Variants in CHCHD6 observed in about 807,000 individuals in gnomAD.
CHCHD6 encodes coiled-coil-helix-coiled-coil-helix domain containing 6.
A neutral mutation model predicts 32.3 loss-of-function variants in CHCHD6; 28 were observed. The ratio of observed to expected loss-of-function variants is 0.87; its 90% CI spans 0.64 to 1.19. The LOEUF is 1.19. CHCHD6 is among the 50% of genes most tolerant of loss of function. The pLI, the probability that CHCHD6 is intolerant of heterozygous loss-of-function variation, is 0.00. For synonymous variants in CHCHD6, 122 were observed against 117.5 expected (o/e 1.04, Z -0.25); for missense variants, 333 against 307.0 (o/e 1.08, Z -0.63).
chr3:126,728,974 G>A (rs1935662135), intron 2 of CHCHD6, among the ~76,000 whole-genome samples: 1 of 152,008 alleles, frequency 6.6e-6, no homozygotes, highest in Non-Finnish European at 1.5e-5. Context: ...TTTTAGTGAT[G>A]GAACAAAGTT....
rs554446871 is a variant in CHCHD6 at position 126,779,712 on chromosome 3, T to TC, written c.411+46494dup. ...ACTATTTGTTGAAAAGACTAGTCTT[T>TC]CCCCATTGAGTTGTCCTGGCATGCT... On this transcript the variant is annotated intron_variant, in intron 4 of 7. Coordinates refer to ENST00000290913, the MANE Select transcript of CHCHD6 (RefSeq NM_032343.3). 1.2e-4 allele frequency among the ~76,000 whole-genome samples: 18 copies of TC among 152,278 alleles called. 1 individual carries two copies. The South Asian group carries it at 3.7e-3, about 32-fold the overall frequency.
chr3:126,843,511 A>G (rs147382964), intron 4 of CHCHD6, among the ~76,000 whole-genome samples: 120 of 152,296 alleles, frequency 7.9e-4, no homozygotes, highest in Middle Eastern at 3.4e-3. Context: ...GGTAAGGCTT[A>G]TGTTTTGTTT....
chr3:126,789,921 G>T lies in CHCHD6; in HGVS notation c.411+56699G>T, dbSNP rs139236166. Among the ~76,000 whole-genome samples the T allele has an allele frequency of 4.5e-3, 688 of 152,112 alleles. 5 individuals are homozygous for T. The highest frequency in any genetic ancestry group is 0.015 in the African/African-American group (613 of 41,478). On this transcript the variant is annotated intron_variant, in intron 4 of 7. Transcript: ENST00000290913. ...GTTGATGCAGTTTCTTCCTAGTCTC[G>T]ATGGTCTTTACAATTTGGCATGTTT...
chr3:126,831,471 G>A (rs949547485), intron 4 of CHCHD6, among the ~76,000 whole-genome samples: 6 of 152,114 alleles, frequency 3.9e-5, no homozygotes, highest in East Asian at 1.9e-4. Flanking sequence ...CTCTCTCCTC[G>A]ATGTAAGTGA....
chr3:126,794,661 C>G (rs1938706737), intron 4 of CHCHD6, among the ~76,000 whole-genome samples: 1 of 152,060 alleles, frequency 6.6e-6, no homozygotes, highest in African/African-American at 2.4e-5. Context: ...TCTAGGACTT[C>G]TATGGCAAAA....
intron 4 of CHCHD6, among the ~76,000 whole-genome samples, chr3:126,849,473 T>C (rs1941398171): frequency 6.6e-6 from 1 of 152,262 alleles, no homozygotes; most frequent in African/African-American, 2.4e-5. Flanking sequence ...GTGAACTCAC[T>C]GTGTTGTGTT....
chr3:126,806,619 C>G (rs1377308687), intron 4 of CHCHD6, among the ~76,000 whole-genome samples: 1 of 152,132 alleles, frequency 6.6e-6, no homozygotes, highest in Non-Finnish European at 1.5e-5. Flanking sequence ...ACTAGTTCAA[C>G]CATTGTGGAA....
intron 4 of CHCHD6, among the ~76,000 whole-genome samples, chr3:126,756,767 A>G (rs1936970764): frequency 6.6e-6 from 1 of 152,274 alleles, no homozygotes; most frequent in South Asian, 2.1e-4. Context: ...TTGGGGATAC[A>G]GCAGAACAGA....
chr3:126,820,517 C>T (rs1039014801), intron 4 of CHCHD6, among the ~76,000 whole-genome samples: 25 of 152,152 alleles, frequency 1.6e-4, no homozygotes, highest in Admixed American at 1.6e-3. Flanking sequence ...CTCTCTGTGA[C>T]GTCTGTGAGG....
At chr3:126,897,040 A>C (rs528445029) in intron 5 of CHCHD6, among the ~76,000 whole-genome samples, 1 of 152,284 alleles carries the variant, frequency 6.6e-6, no homozygotes, top group South Asian at 2.1e-4. Context: ...AACATGGATG[A>C]GGTGTGGAGA....
chr3:126,844,777 A>G (rs114063083), intron 4 of CHCHD6, among the ~76,000 whole-genome samples: 356 of 152,226 alleles, frequency 2.3e-3, no homozygotes, highest in Non-Finnish European at 3.6e-3. Context: ...AGGATATGTG[A>G]TGGGGAGGTT....
At chr3:126,706,557 C>T (rs1267463184) in intron 1 of CHCHD6, among the ~76,000 whole-genome samples, 1 of 152,108 alleles carries the variant, frequency 6.6e-6, no homozygotes, top group Non-Finnish European at 1.5e-5. Flanking sequence ...TGACTGCTTT[C>T]TTTTCCAGCT....
intron 5 of CHCHD6, among the ~76,000 whole-genome samples, chr3:126,891,987 A>G (rs2077767292): frequency 1.3e-5 from 2 of 152,290 alleles, no homozygotes; most frequent in Admixed American, 6.5e-5. Flanking sequence ...GCCCAGGAGA[A>G]GCATCCTGTG....
chr3:126,801,914 A>G (rs540568808), intron 4 of CHCHD6, among the ~76,000 whole-genome samples: 80 of 152,236 alleles, frequency 5.3e-4, no homozygotes, highest in African/African-American at 1.7e-3. Flanking sequence ...ATGAAAATCC[A>G]CTGTTCTGCA....
intron 4 of CHCHD6, among the ~76,000 whole-genome samples, chr3:126,797,802 G>T (rs1938864685): frequency 6.6e-6 from 1 of 152,158 alleles, no homozygotes; most frequent in African/African-American, 2.4e-5. Flanking sequence ...TCAGGCTCCT[G>T]ACCCAAGCTC....
At chr3:126,838,827 T>C (rs1351608528) in intron 4 of CHCHD6, among the ~76,000 whole-genome samples, 2 of 152,138 alleles carry the variant, frequency 1.3e-5, no homozygotes, top group Admixed American at 6.5e-5. Context: ...ACTGTCTTAA[T>C]GATTAGCATC....
chr3:126,806,811 A>G lies in CHCHD6; in HGVS notation c.412-45836A>G, dbSNP rs1177903111. On this transcript the variant is annotated intron_variant, in intron 4 of 7. Transcript: ENST00000290913. ...TTGGAACCAACCCAAATGTCCAACA[A>G]TGATAGACTGGATTAAGGAAATGTG... Among the ~76,000 whole-genome samples, 28 of 152,214 alleles carry G rather than the reference A, an allele frequency of 1.8e-4. 1 individual carries two copies. Among genetic ancestry groups the G allele is most frequent in the Admixed American group, 1.2e-3 (19 of 15,288 alleles).
intron 5 of CHCHD6, among the ~76,000 whole-genome samples, chr3:126,889,490 T>C (rs2077726191): frequency 2.0e-5 from 3 of 152,176 alleles, no homozygotes; most frequent in Admixed American, 2.0e-4. Flanking sequence ...CTCGGGCTCC[T>C]CAGCACCCAC....
At chr3:126,901,134 G>A (rs1487559821) in intron 5 of CHCHD6, among the ~76,000 whole-genome samples, 1 of 152,200 alleles carries the variant, frequency 6.6e-6, no homozygotes, top group African/African-American at 2.4e-5. Context: ...CTTCACAGGG[G>A]CAAGTGGTGA....
Sources: gnomAD v4.1 joint callset for allele counts (sites outside exome capture counted in the v4.1 genomes callset) on GRCh38, gnomAD v4.1.1 for gene constraint, MANE v1.5 for transcripts, NCBI Gene and HGNC (gene_info 2026-07-23, HGNC 2026-07-21) for gene names.